The following ZNF599 variants were observed in gnomAD, a reference collection of about 807,000 sequenced individuals.
The protein encoded by ZNF599 is zinc finger protein 599.
Under a neutral mutation model 11.7 loss-of-function variants are expected in ZNF599, and 10 were observed. That is an observed-to-expected ratio of 0.86 (90% CI 0.53 to 1.45). The LOEUF (loss-of-function observed/expected upper bound fraction) is 1.45. Ranked by LOEUF, ZNF599 falls within the 40% of genes most tolerant of loss-of-function variation. The pLI is 0.00. For synonymous variants in ZNF599, 232 were observed against 253.2 expected (o/e 0.92, Z 0.79); for missense variants, 688 against 713.6 (o/e 0.96, Z 0.41).
upstream of ZNF599, among the ~76,000 whole-genome samples, chr19:34,773,510 C>A (rs962319213): frequency 6.6e-6 from 1 of 152,160 alleles, no homozygotes; most frequent in Non-Finnish European, 1.5e-5. Context: ...ACTTTCCTCC[C>A]TGTGTATCCC....
rs1426343091 is a variant in ZNF599, at chr19:34,760,224, C to G, written c.577G>C (p.Asp193His). The G allele has an allele frequency of 1.2e-6, 2 of 1,614,052 alleles. No individual in the cohort carries two copies. Among genetic ancestry groups the G allele is most frequent in the Admixed American group, 3.3e-5 (2 of 60,000 alleles). Residue 193 changes from aspartate (D) to histidine (H), a missense_variant, in exon 4 of 4, where the codon GAT becomes CAT. Asp to His is a moderately conservative substitution (Grantham distance 81). Transcript: ENST00000329285. ...CATGTGTAAGGGTTATTCCTTGCAT[C>G]AGTCATGGGGTCTTTTCCTGGTCCT... ...SQGPGKDPMT[D>H]ARNNPYTCTE...
At chr19:34,781,639 G>C in the ZNF599 span, among the ~76,000 whole-genome samples, 2 of 152,188 alleles carry the variant, frequency 1.3e-5, no homozygotes, top group Non-Finnish European at 2.9e-5. Flanking sequence ...CCGTGATCTT[G>C]CCAGAGTCAA....
the ZNF599 span, among the ~76,000 whole-genome samples, chr19:34,797,216 T>C: frequency 6.6e-6 from 1 of 152,180 alleles, no homozygotes; most frequent in Non-Finnish European, 1.5e-5. Flanking sequence ...TCTATCATTG[T>C]TGGACATTTG....
At chr19:34,770,175 G>A (rs11668995) in intron 1 of ZNF599, among the ~76,000 whole-genome samples, 125,813 of 152,282 alleles carry the variant, frequency 0.83, 52,624 homozygotes, top group African/African-American at 0.94. Context: ...AATTTCAATA[G>A]TCATCCTATA....
chr19:34,782,893 T>C, the ZNF599 span, among the ~76,000 whole-genome samples: 2 of 152,174 alleles, frequency 1.3e-5, no homozygotes, highest in Admixed American at 6.5e-5. Context: ...GGCTATTGAC[T>C]CCATGACTGT....
At chr19:34,796,022 T>C in the ZNF599 span, among the ~76,000 whole-genome samples, 1 of 152,098 alleles carries the variant, frequency 6.6e-6, no homozygotes, top group Non-Finnish European at 1.5e-5. Flanking sequence ...GGTTTCTCCA[T>C]GTTGGTCAGG....
At chr19:34,794,995 A>G in the ZNF599 span, among the ~76,000 whole-genome samples, 2 of 152,184 alleles carry the variant, frequency 1.3e-5, no homozygotes, top group African/African-American at 2.4e-5. Flanking sequence ...AATACCTGAT[A>G]TAAGGGGCCC....
rs148253060 is a variant in ZNF599, at chr19:34,771,443, C to G, written c.18+1381G>C. 5.6e-3 allele frequency among the ~76,000 whole-genome samples: 857 copies of G among 152,272 alleles called. 6 individuals carry two copies. The highest frequency in any genetic ancestry group is 0.02 in the African/African-American group (827 of 41,538). On this transcript the variant is annotated intron_variant, in intron 1 of 3. Transcript: ENST00000329285. ...AAGGTAATACACAGAAACTGCCTCT[C>G]AGCACATTATCAATGCGCTCAGTGA...
At chr19:34,784,456 T>A in the ZNF599 span, among the ~76,000 whole-genome samples, 1 of 152,180 alleles carries the variant, frequency 6.6e-6, no homozygotes, top group Non-Finnish European at 1.5e-5. Flanking sequence ...TTGGGGGGAA[T>A]ACAACTCAAA....
the ZNF599 span, among the ~76,000 whole-genome samples, chr19:34,784,529 A>C: frequency 6.6e-6 from 1 of 152,162 alleles, no homozygotes; most frequent in African/African-American, 2.4e-5. Flanking sequence ...GCCTCCCAAC[A>C]TGGTGGTGAT....
rs2069104824 is a variant in ZNF599, at chr19:34,760,354, C to T, written c.447G>A (p.Lys149=). ...TNPHKEICPE[K]LSYKHDDLEP... Reference sequence around the variant, plus strand: ...CCAAATCATCATGTTTATAACTCAACTTCTCAGGGCATATCTCTTTGTGGG... The same window carrying T: ...CCAAATCATCATGTTTATAACTCAATTTCTCAGGGCATATCTCTTTGTGGG... The change falls in exon 4 of 4, where the codon AAG becomes AAA. Residue 149 remains lysine (K), a synonymous_variant. Transcript: ENST00000329285. 6.2e-7 allele frequency: 1 copy of T among 1,614,058 alleles called. No individual in the cohort carries two copies. Among genetic ancestry groups the T allele is most frequent in the Non-Finnish European group, 8.5e-7 (1 of 1,180,036 alleles).
At chr19:34,791,543 G>C in the ZNF599 span, among the ~76,000 whole-genome samples, 1 of 152,208 alleles carries the variant, frequency 6.6e-6, no homozygotes, top group African/African-American at 2.4e-5. Context: ...CTTTTACACT[G>C]ATGAAATCAT....
chr19:34,779,005 A>G, the ZNF599 span, among the ~76,000 whole-genome samples: 1 of 152,240 alleles, frequency 6.6e-6, no homozygotes, highest in African/African-American at 2.4e-5. Flanking sequence ...GGCAAAAATT[A>G]AAAACACTGA....
At chr19:34,760,921 G>GC (rs1236578555) in intron 3 of ZNF599, among the ~76,000 whole-genome samples, 1 of 152,146 alleles carries the variant, frequency 6.6e-6, no homozygotes, top group Non-Finnish European at 1.5e-5. Flanking sequence ...ACTTAACATG[G>GC]CCCAGATGAG....
At chr19:34,766,106 T>G (rs906014231) in intron 3 of ZNF599, among the ~76,000 whole-genome samples, 8 of 152,050 alleles carry the variant, frequency 5.3e-5, no homozygotes, top group Non-Finnish European at 8.8e-5. Flanking sequence ...GCATGATGAG[T>G]GTGAGGTGCC....
Position 34,760,374 on chromosome 19 carries a change from T to C in ZNF599, c.427A>G (p.Lys143Glu). 6.2e-7 allele frequency: 1 copy of C among 1,614,154 alleles called. No individual in the cohort carries two copies. Among genetic ancestry groups the C allele is most frequent in the Non-Finnish European group, 8.5e-7 (1 of 1,180,028 alleles). The change falls in exon 4 of 4, where the codon AAA becomes GAA. Residue 143 changes from lysine (K) to glutamate (E), a missense_variant. Physicochemically the swap from Lys to Glu is moderately conservative, Grantham distance 56. Coordinates refer to ENST00000329285, the MANE Select transcript of ZNF599 (RefSeq NM_001007248.3). ...CTCAACTTCTCAGGGCATATCTCTT[T>C]GTGGGGGTTTGTTCCTGGCCTCAAG... Reference protein sequence around the residue: ...GNLRPGTNPHKEICPEKLSYK... With the variant: ...GNLRPGTNPHEEICPEKLSYK...
chr19:34,778,156 A>G (rs2069230614), upstream of ZNF599, among the ~76,000 whole-genome samples: 1 of 152,106 alleles, frequency 6.6e-6, no homozygotes. Context: ...GAGCTGTTAA[A>G]AAATCTCTGG....
chr19:34,772,119 A>T (rs150517459), intron 1 of ZNF599, among the ~76,000 whole-genome samples: 79 of 152,294 alleles, frequency 5.2e-4, no homozygotes, highest in African/African-American at 1.9e-3. Flanking sequence ...ATGTGCTCAC[A>T]CTCCAAGAGA....
At chr19:34,796,961 C>G in the ZNF599 span, among the ~76,000 whole-genome samples, 1 of 137,260 alleles carries the variant, frequency 7.3e-6, no homozygotes, top group Non-Finnish European at 1.6e-5. Flanking sequence ...TATCCCTCCC[C>G]CCTCCCTCCA....
Sources: gnomAD v4.1 joint callset for allele counts (sites outside exome capture counted in the v4.1 genomes callset) on GRCh38, gnomAD v4.1.1 for gene constraint, MANE v1.5 for transcripts, NCBI Gene and HGNC (gene_info 2026-07-23, HGNC 2026-07-21) for gene names.